Variants in TENM4 observed in about 807,000 individuals in gnomAD.
TENM4 encodes the protein teneurin-4.
TENM4 carries 82 observed loss-of-function variants against 243.3 expected under a neutral mutation model. The ratio of observed to expected loss-of-function variants is 0.34; its 90% CI spans 0.28 to 0.40. The LOEUF is 0.40. TENM4 is among the 10% of genes least tolerant of loss of function. The pLI, the probability that TENM4 is intolerant of heterozygous loss-of-function variation, is 1.00. For missense variants in TENM4, 3,138 were observed against 3,673.3 expected (o/e 0.85, Z 3.77); for synonymous variants, 1,412 against 1,456.3 (o/e 0.97, Z 0.69).
chr11:79,312,014 G>A (rs1856730152), intron 1 of TENM4, among the ~76,000 whole-genome samples: 1 of 152,182 alleles, frequency 6.6e-6, no homozygotes, highest in South Asian at 2.1e-4. Flanking sequence ...AGCCTCCAAG[G>A]CAGGGCTGGT....
intron 6 of TENM4, among the ~76,000 whole-genome samples, chr11:78,923,401 G>A (rs190435622): frequency 6.6e-6 from 1 of 152,260 alleles, no homozygotes; most frequent in Admixed American, 6.5e-5. Flanking sequence ...CACTCAAGGT[G>A]CCTGAGTGAC....
At chr11:79,375,135 AT>A (rs1411252104) in intron 1 of TENM4, among the ~76,000 whole-genome samples, 1 of 152,170 alleles carries the variant, frequency 6.6e-6, no homozygotes, top group East Asian at 1.9e-4. Flanking sequence ...GAACAAGTTG[AT>A]TGGTTAAATC....
At chr11:78,938,317 CAA>C in intron 6 of TENM4, among the ~76,000 whole-genome samples, 1 of 152,248 alleles carries the variant, frequency 6.6e-6, no homozygotes, top group Admixed American at 6.5e-5. Flanking sequence ...AAAAATAGTA[CAA>C]AGAGTTCCTA....
intron 6 of TENM4, among the ~76,000 whole-genome samples, chr11:79,018,074 G>A (rs574855421): frequency 1.8e-3 from 278 of 152,264 alleles, no homozygotes; most frequent in Non-Finnish European, 2.9e-3. Flanking sequence ...TGGGGGATGA[G>A]GGCTGGGGGA....
intron 18 of TENM4, 79 bp from the exon 19 acceptor site, chr11:78,757,100 C>T: frequency 4.3e-6 from 6 of 1,409,434 alleles, no homozygotes; most frequent in Middle Eastern, 1.8e-4. Flanking sequence ...TAATTCATTT[C>T]TTCTCTATTT....
At chr11:78,816,540 C>A (rs866572270) in intron 12 of TENM4, among the ~76,000 whole-genome samples, 5 of 152,202 alleles carry the variant, frequency 3.3e-5, no homozygotes, top group African/African-American at 1.2e-4. Flanking sequence ...ATAGAGAATT[C>A]TATAACTTTC....
chr11:79,405,664 C>G (rs1212968065), intron 1 of TENM4, among the ~76,000 whole-genome samples: 2 of 151,842 alleles, frequency 1.3e-5, no homozygotes, highest in Non-Finnish European at 2.9e-5. Flanking sequence ...AAACGTTTCT[C>G]TACATCTCTA....
At chr11:78,763,035 T>C (rs888516003) in intron 18 of TENM4, among the ~76,000 whole-genome samples, 4 of 152,210 alleles carry the variant, frequency 2.6e-5, no homozygotes, top group African/African-American at 4.8e-5. Flanking sequence ...TTATATATCA[T>C]ACGTAAGTTG....
At chr11:78,939,172 G>A (rs745379835) in intron 6 of TENM4, among the ~76,000 whole-genome samples, 6 of 152,158 alleles carry the variant, frequency 3.9e-5, no homozygotes, top group East Asian at 1.9e-4. Context: ...CAGCTGGAAC[G>A]GAGATGAATT....
chr11:79,309,742 A>G (rs1018430451), intron 1 of TENM4, among the ~76,000 whole-genome samples: 3 of 152,190 alleles, frequency 2.0e-5, no homozygotes, highest in African/African-American at 7.2e-5. Context: ...GGATAGAGAA[A>G]CAGGCCCAGA....
At chr11:79,138,274 T>C (rs1489168868) in intron 4 of TENM4, among the ~76,000 whole-genome samples, 1 of 141,466 alleles carries the variant, frequency 7.1e-6, no homozygotes, top group Admixed American at 7.8e-5. Context: ...TTGTGGGACC[T>C]TGTGATGGTG....
chr11:79,016,998 A>G (rs543443895), intron 6 of TENM4, among the ~76,000 whole-genome samples: 1 of 152,364 alleles, frequency 6.6e-6, no homozygotes, highest in East Asian at 1.9e-4. Flanking sequence ...CAGAGTTGTC[A>G]TGAGGCTCAA....
chr11:79,246,985 C>CA (rs66877398), intron 2 of TENM4, among the ~76,000 whole-genome samples: 13,132 of 133,528 alleles, frequency 0.098, 695 homozygotes, highest in Non-Finnish European at 0.12. Flanking sequence ...TTGTATTTCT[C>CA]AAAAAAAAAA....
At chr11:79,239,094 C>T (rs915214357) in intron 2 of TENM4, among the ~76,000 whole-genome samples, 2 of 152,128 alleles carry the variant, frequency 1.3e-5, no homozygotes, top group Non-Finnish European at 2.9e-5. Flanking sequence ...GCAGAGACAG[C>T]TCTGGTTGCA....
At chr11:78,908,754 T>A (rs1210744430) in intron 6 of TENM4, among the ~76,000 whole-genome samples, 1 of 152,222 alleles carries the variant, frequency 6.6e-6, no homozygotes, top group South Asian at 2.1e-4. Flanking sequence ...TAGACTAGCA[T>A]CTCAGAGCAA....
In TENM4 at chr11:78,903,482, G is replaced by T; in HGVS notation, c.535C>A (p.Pro179Thr). 6.5e-7 allele frequency: 1 copy of T among 1,547,484 alleles called. No individual in the cohort carries two copies. Residue 179 changes from proline to threonine, a missense_variant, in exon 7 of 34, where the codon CCG becomes ACG. Pro to Thr is a conservative substitution (Grantham distance 38). Coordinates refer to ENST00000278550, the MANE Select transcript of TENM4 (RefSeq NM_001098816.3). ...TGGGCGTGCGAGAGCGGCGGCGGCG[G>T]CGTCCGGAGCCGCGCGTGGTTCTGC... ...GLQNHARLRT[P>T]PPPLSHAHTP...
At chr11:79,349,201 T>G (rs1447615367) in intron 1 of TENM4, among the ~76,000 whole-genome samples, 4 of 152,322 alleles carry the variant, frequency 2.6e-5, no homozygotes, top group African/African-American at 9.6e-5. Flanking sequence ...CCCATTTACC[T>G]GGTGAGCAGC....
intron 1 of TENM4, among the ~76,000 whole-genome samples, chr11:79,404,000 G>A (rs764456852): frequency 6.6e-6 from 1 of 152,210 alleles, no homozygotes; most frequent in Non-Finnish European, 1.5e-5. Flanking sequence ...CAGCAGGGCA[G>A]TCCCAAGAAA....
At chr11:78,698,158 T>C (rs1394536724) in intron 28 of TENM4, among the ~76,000 whole-genome samples, 4 of 152,130 alleles carry the variant, frequency 2.6e-5, no homozygotes, top group African/African-American at 9.7e-5. Flanking sequence ...TCCCAGCACT[T>C]TGGGAGGCCT....
Sources: gnomAD v4.1 joint callset for allele counts (sites outside exome capture counted in the v4.1 genomes callset) on GRCh38, gnomAD v4.1.1 for gene constraint, MANE v1.5 for transcripts, NCBI Gene and HGNC (gene_info 2026-07-23, HGNC 2026-07-21) for gene names.